The following ERAP1 variants were observed in gnomAD, a reference collection of about 807,000 sequenced individuals.
The protein encoded by ERAP1 is endoplasmic reticulum aminopeptidase 1, also known as adipocyte-derived leucine aminopeptidase.
A neutral mutation model predicts 103.7 loss-of-function variants in ERAP1; 86 were observed. The observed-to-expected ratio is 0.83, with a 90% CI of 0.70 to 0.99. The LOEUF is 0.99. Among genes scored for constraint, ERAP1 ranks in the 50% least tolerant of loss-of-function variants. The pLI is 0.00. For synonymous variants in ERAP1, 398 were observed against 402.4 expected (o/e 0.99, Z 0.13); for missense variants, 1,009 against 1,128.4 (o/e 0.89, Z 1.52).
chr5:96,868,423 T>G, the ERAP1 span, among the ~76,000 whole-genome samples: 1 of 152,328 alleles, frequency 6.6e-6, no homozygotes, highest in Non-Finnish European at 1.5e-5. Flanking sequence ...TGGGGAACTT[T>G]GACTAAGGCA....
At chr5:96,903,367 A>C in the ERAP1 span, 5 of 1,598,322 alleles carry the variant, frequency 3.1e-6, 1 homozygote, top group South Asian at 5.7e-5. Context: ...TGCCAATCTT[A>C]TCCTCTTAGA....
At chr5:96,886,375 G>T in the ERAP1 span, among the ~76,000 whole-genome samples, 5 of 152,188 alleles carry the variant, frequency 3.3e-5, no homozygotes, top group African/African-American at 1.2e-4. Flanking sequence ...ATAGAAATAT[G>T]TAATATTTTT....
intron 19 of ERAP1, chr5:96,768,539 T>A: frequency 8.2e-6 from 3 of 366,868 alleles, no homozygotes; most frequent in South Asian, 6.7e-5. Context: ...TAATTATACT[T>A]ACAGTCCACT....
At chr5:96,811,686 C>G (rs1012689322), upstream of ERAP1, among the ~76,000 whole-genome samples, 3 of 152,218 alleles carry the variant, frequency 2.0e-5, no homozygotes, top group African/African-American at 7.2e-5. Context: ...TGGGAGCGAG[C>G]AATGTATGCC....
the ERAP1 span, chr5:96,915,902 G>A: frequency 3.1e-6 from 2 of 650,470 alleles, no homozygotes; most frequent in East Asian, 6.2e-5. Context: ...ATGCCATATA[G>A]CAAGTAAATG....
Position 96,783,904 on chromosome 5 carries a change from C to G in ERAP1, c.2100+20G>C. 1 of 1,587,380 alleles carries G rather than the reference C, an allele frequency of 6.3e-7. No homozygotes were observed. Among genetic ancestry groups the G allele is most frequent in the Non-Finnish European group, 8.6e-7 (1 of 1,161,648 alleles). On this transcript the variant is annotated intron_variant, in intron 14 of 18. Coordinates refer to ENST00000443439, the MANE Select transcript of ERAP1 (RefSeq NM_001040458.3). ...TTTAACACAAATAATAATTACATAA[C>G]TTTTATTTCAGGCTTTTACCTTGAA...
chr5:96,932,814 A>G, the ERAP1 span, among the ~76,000 whole-genome samples: 1 of 152,170 alleles, frequency 6.6e-6, no homozygotes, highest in Non-Finnish European at 1.5e-5. Flanking sequence ...CTGTCATGCT[A>G]TTTATTATGT....
chr5:96,916,455 TC>T, the ERAP1 span, among the ~76,000 whole-genome samples: 69 of 131,248 alleles, frequency 5.3e-4, no homozygotes, highest in Admixed American at 1.4e-3. Context: ...ATTCTAGTTA[TC>T]TTTTTTTTTT....
chr5:96,791,098 T>G (rs1189486390), intron 8 of ERAP1, among the ~76,000 whole-genome samples: 2 of 152,144 alleles, frequency 1.3e-5, no homozygotes, highest in Non-Finnish European at 2.9e-5. Flanking sequence ...AAAGTGGATA[T>G]GTCCAGGGAG....
At chr5:96,836,541 T>A in the ERAP1 span, among the ~76,000 whole-genome samples, 1 of 152,184 alleles carries the variant, frequency 6.6e-6, no homozygotes, top group African/African-American at 2.4e-5. Flanking sequence ...GAGACCTAAC[T>A]AGTAGATCAT....
At chr5:96,835,658 C>T in the ERAP1 span, among the ~76,000 whole-genome samples, 5 of 152,132 alleles carry the variant, frequency 3.3e-5, no homozygotes, top group African/African-American at 1.2e-4. Context: ...TTCTGTATAA[C>T]CATGTTTTAC....
chr5:96,931,108 T>G, the ERAP1 span, among the ~76,000 whole-genome samples: 4 of 151,876 alleles, frequency 2.6e-5, no homozygotes. Flanking sequence ...CTTCCCTACC[T>G]AGGACACTCC....
intron 18 of ERAP1, among the ~76,000 whole-genome samples, chr5:96,777,679 A>G (rs975835483): frequency 2.6e-5 from 4 of 152,242 alleles, no homozygotes; most frequent in African/African-American, 7.2e-5. Context: ...TCGATTAAAA[A>G]TCACTGAGCA....
chr5:96,775,807 C>G lies in ERAP1; in HGVS notation c.*589G>C. The stretch of plus-strand genomic sequence containing the variant: ...AATCAGGGAAGAACACCTCCACCTA[C>G]TACCTCCTCCGACCCCAGCTCCAGC... On this transcript the variant is annotated 3_prime_UTR_variant, in exon 19 of 19. Transcript: ENST00000443439. 3.3e-6 allele frequency: 1 copy of G among 306,880 alleles called. No individual in the cohort carries two copies. The highest frequency in any genetic ancestry group is 4.8e-6 in the Non-Finnish European group (1 of 208,884). 19.0% of individuals were successfully genotyped at this position (306,880 alleles called of 1,614,324 possible). A position where few individuals can be genotyped will look rare whatever the true frequency, so the allele number is the denominator to read the frequency against.
At chr5:96,885,914 C>T in the ERAP1 span, among the ~76,000 whole-genome samples, 1 of 152,208 alleles carries the variant, frequency 6.6e-6, no homozygotes, top group Admixed American at 6.5e-5. Context: ...AAAGTTTCTG[C>T]TTCCTCAGGA....
chr5:96,888,101 G>T, the ERAP1 span, among the ~76,000 whole-genome samples: 7 of 148,760 alleles, frequency 4.7e-5, no homozygotes, highest in African/African-American at 1.5e-4. Flanking sequence ...TCCAGCCTGG[G>T]TGACAAGAGT....
At chr5:96,892,122 G>T in the ERAP1 span, among the ~76,000 whole-genome samples, 1 of 152,052 alleles carries the variant, frequency 6.6e-6, no homozygotes, top group South Asian at 2.1e-4. Flanking sequence ...TTGATAATGG[G>T]CACTGATTAT....
At chr5:96,895,179 A>ACT in the ERAP1 span, 4 of 937,634 alleles carry the variant, frequency 4.3e-6, no homozygotes, top group Admixed American at 4.8e-5. Flanking sequence ...TAACTATTGT[A>ACT]TTTTTTGCTA....
At chr5:96,855,883 T>A in the ERAP1 span, among the ~76,000 whole-genome samples, 1 of 152,132 alleles carries the variant, frequency 6.6e-6, no homozygotes, top group Non-Finnish European at 1.5e-5. Flanking sequence ...CACATACACA[T>A]GCACACACAT....
Sources: allele counts gnomAD v4.1 joint callset (sites outside exome capture counted in the v4.1 genomes callset), GRCh38; gene constraint gnomAD v4.1.1; transcripts MANE v1.5; gene names NCBI Gene and HGNC (gene_info 2026-07-23, HGNC 2026-07-21).